Variants in TMEM272 observed in about 807,000 individuals in gnomAD.
TMEM272 encodes transmembrane protein 272.
A neutral mutation model predicts 3.7 loss-of-function variants in TMEM272; 8 were observed. The observed-to-expected ratio is 2.17, with a 90% CI of 1.27 to 3.91. The LOEUF is 3.91. TMEM272 is among the 30% of genes most tolerant of loss of function. The pLI is 0.00. For missense variants in TMEM272, 166 were observed against 91.5 expected (o/e 1.81, Z -3.32); for synonymous variants, 63 against 39.8 (o/e 1.58, Z -2.20).
rs1263052289 is a variant in TMEM272, at chr13:51,814,599, T to A, written c.*2152A>T. On this transcript the variant is annotated 3_prime_UTR_variant, in exon 5 of 5. Transcript: ENST00000629372. ...GATCATCACCTCTTCCTTACTGCTTTGGTGACAAGAAAACTCAAAGCTAAA... is the reference window on the plus strand; with the variant it reads ...GATCATCACCTCTTCCTTACTGCTTAGGTGACAAGAAAACTCAAAGCTAAA... 6.6e-6 allele frequency: 1 copy of A among 152,246 alleles called. No individual in the cohort carries two copies. Among genetic ancestry groups the A allele is most frequent in the Non-Finnish European group, 1.5e-5 (1 of 68,046 alleles). 9.4% of individuals were successfully genotyped at this position (152,246 alleles called of 1,614,324 possible).
At chr13:51,827,103 C>A (rs1246198989) in intron 2 of TMEM272, among the ~76,000 whole-genome samples, 1 of 152,254 alleles carries the variant, frequency 6.6e-6, no homozygotes, top group Non-Finnish European at 1.5e-5. Flanking sequence ...TCTTCCCTTT[C>A]CATTCACTTG....
chr13:51,835,907 C>T (rs975726709), intron 2 of TMEM272, among the ~76,000 whole-genome samples: 6 of 152,172 alleles, frequency 3.9e-5, no homozygotes, highest in East Asian at 1.9e-4. Context: ...TTAGTACAGT[C>T]GCAGCTTCTT....
the TMEM272 span, among the ~76,000 whole-genome samples, chr13:51,916,976 C>T: frequency 6.6e-6 from 1 of 152,206 alleles, no homozygotes; most frequent in Non-Finnish European, 1.5e-5. Context: ...TCTCGCTCAC[C>T]AGTGTTTTCT....
At chr13:51,827,524 G>T (rs1320172443) in intron 2 of TMEM272, among the ~76,000 whole-genome samples, 1 of 151,310 alleles carries the variant, frequency 6.6e-6, no homozygotes, top group Non-Finnish European at 1.5e-5. Flanking sequence ...ATTTTTTTTT[G>T]AAAGTGTGAA....
chr13:51,904,258 G>C, the TMEM272 span, among the ~76,000 whole-genome samples: 1 of 152,232 alleles, frequency 6.6e-6, no homozygotes, highest in South Asian at 2.1e-4. Flanking sequence ...ACCAGATTTA[G>C]TGCTGCTGCC....
At chr13:51,846,715 G>A (rs556924188), upstream of TMEM272, among the ~76,000 whole-genome samples, 6 of 152,290 alleles carry the variant, frequency 3.9e-5, no homozygotes, top group East Asian at 1.2e-3. Flanking sequence ...AAGATGTGGA[G>A]ATGGAAGATA....
At chr13:51,860,581 G>A in the TMEM272 span, among the ~76,000 whole-genome samples, 1 of 138,088 alleles carries the variant, frequency 7.2e-6, no homozygotes, top group East Asian at 2.3e-4. Flanking sequence ...TGAGGCTGCA[G>A]TTAGCCAAGA....
chr13:51,919,653 T>C, the TMEM272 span, among the ~76,000 whole-genome samples: 5 of 152,238 alleles, frequency 3.3e-5, no homozygotes, highest in Admixed American at 1.3e-4. Flanking sequence ...GAGTAAATAC[T>C]TTCTCTTATG....
intron 3 of TMEM272, among the ~76,000 whole-genome samples, chr13:51,822,724 G>A (rs756359717): frequency 2.0e-5 from 3 of 152,114 alleles, no homozygotes; most frequent in East Asian, 1.9e-4. Context: ...TGGGAAACAC[G>A]CGTGTACTCA....
chr13:51,826,500 C>T, intron 3 of TMEM272, 66 bp downstream of exon 3: 1 of 699,046 alleles, frequency 1.4e-6, no homozygotes, highest in Non-Finnish European at 2.6e-6. Context: ...TTAAAGATTA[C>T]ATGCCTTGGG....
chr13:51,857,954 G>A, the TMEM272 span, among the ~76,000 whole-genome samples: 3 of 152,192 alleles, frequency 2.0e-5, no homozygotes, highest in South Asian at 4.1e-4. Flanking sequence ...AAAAGCTGAC[G>A]TGCCTATACT....
At chr13:51,860,994 G>A in the TMEM272 span, among the ~76,000 whole-genome samples, 3 of 151,908 alleles carry the variant, frequency 2.0e-5, no homozygotes, top group Non-Finnish European at 4.4e-5. Context: ...TATATAAAGT[G>A]GAATATTATT....
chr13:51,878,378 C>T, the TMEM272 span, among the ~76,000 whole-genome samples: 10 of 152,030 alleles, frequency 6.6e-5, no homozygotes, highest in Middle Eastern at 3.2e-3. Flanking sequence ...TGCGGTGAGC[C>T]GAGATCATGC....
chr13:51,845,280 CA>C (rs1956296062), upstream of TMEM272: 1 of 152,296 alleles, frequency 6.6e-6, no homozygotes, highest in South Asian at 2.1e-4. Flanking sequence ...CCCAGGCCCG[CA>C]GGGGGGCAGC....
the TMEM272 span, among the ~76,000 whole-genome samples, chr13:51,859,085 T>G: frequency 6.6e-6 from 1 of 152,118 alleles, no homozygotes; most frequent in Non-Finnish European, 1.5e-5. Context: ...TGTTTGGCAG[T>G]TCACTGAAAA....
the TMEM272 span, among the ~76,000 whole-genome samples, chr13:51,881,052 A>G: frequency 6.6e-6 from 1 of 152,238 alleles, no homozygotes; most frequent in East Asian, 1.9e-4. Context: ...CTGCCATTGC[A>G]TAGCCAGAGT....
At chr13:51,825,421 T>G (rs7332264) in intron 3 of TMEM272, among the ~76,000 whole-genome samples, 1,576 of 152,300 alleles carry the variant, frequency 0.01, 31 homozygotes, top group African/African-American at 0.034. Flanking sequence ...TTTAGTGGAT[T>G]CACAGTGTTG....
chr13:51,840,074 A>G (rs1956248919), intron 1 of TMEM272, among the ~76,000 whole-genome samples: 1 of 152,172 alleles, frequency 6.6e-6, no homozygotes, highest in African/African-American at 2.4e-5. Flanking sequence ...CATTTTACAG[A>G]GAAAACCAAG....
At chr13:51,849,829 G>GA (rs1183654869), upstream of TMEM272, among the ~76,000 whole-genome samples, 1 of 152,158 alleles carries the variant, frequency 6.6e-6, no homozygotes, top group Admixed American at 6.5e-5. Flanking sequence ...TCAGGGTTGG[G>GA]AAAATGCACA....
Sources: allele counts gnomAD v4.1 joint callset (sites outside exome capture counted in the v4.1 genomes callset), GRCh38; gene constraint gnomAD v4.1.1; transcripts MANE v1.5; gene names NCBI Gene and HGNC (gene_info 2026-07-23, HGNC 2026-07-21).